Variants in FREM1 observed in about 807,000 individuals in gnomAD.
FREM1 encodes the protein FRAS1 related extracellular matrix 1, also known as FRAS1-related extracellular matrix protein 1.
A neutral mutation model predicts 210.1 loss-of-function variants in FREM1; 220 were observed. That is an observed-to-expected ratio of 1.05 (90% confidence interval 0.94 to 1.17). The LOEUF (loss-of-function observed/expected upper bound fraction) is 1.17. Ranked by LOEUF, FREM1 falls within the 50% of genes most tolerant of loss-of-function variation. FREM1 has a pLI of 0.00. For missense variants in FREM1, 3,454 were observed against 2,675.5 expected (o/e 1.29, Z -6.42); for synonymous variants, 1,189 against 980.2 (o/e 1.21, Z -3.98).
intron 1 of FREM1, among the ~76,000 whole-genome samples, chr9:14,908,097 G>A (rs1369938327): frequency 6.6e-6 from 1 of 152,126 alleles, no homozygotes; most frequent in African/African-American, 2.4e-5. Context: ...GGGCTCTGAT[G>A]GCCATGTCCA....
intron 29 of FREM1, among the ~76,000 whole-genome samples, chr9:14,751,318 T>A (rs1843339552): frequency 6.6e-6 from 1 of 152,196 alleles, no homozygotes; most frequent in African/African-American, 2.4e-5. Flanking sequence ...CCCCTCTATA[T>A]GATACAGTTA....
At chr9:14,743,799 C>A (rs1383994820) in intron 35 of FREM1, among the ~76,000 whole-genome samples, 3 of 152,080 alleles carry the variant, frequency 2.0e-5, no homozygotes, top group African/African-American at 7.2e-5. Context: ...CCATAGTATT[C>A]TCCCTTTTGT....
chr9:14,752,173 G>A (rs1483652471), intron 29 of FREM1, among the ~76,000 whole-genome samples: 1 of 151,746 alleles, frequency 6.6e-6, no homozygotes, highest in African/African-American at 2.4e-5. Flanking sequence ...ATCTTTTGGG[G>A]GAGACAGAAG....
chr9:14,831,364 C>T (rs1823526193), intron 10 of FREM1, among the ~76,000 whole-genome samples: 1 of 152,186 alleles, frequency 6.6e-6, no homozygotes, highest in Non-Finnish European at 1.5e-5. Context: ...ACTTCTCTGG[C>T]GAGCACATGG....
intron 36 of FREM1, among the ~76,000 whole-genome samples, chr9:14,738,377 A>G (rs1304920595): frequency 2.0e-5 from 3 of 152,098 alleles, no homozygotes; most frequent in African/African-American, 7.2e-5. Flanking sequence ...ACCTTCCCCA[A>G]CTGTTTTTCA....
chr9:14,759,307 C>T (rs1161120877), intron 28 of FREM1, among the ~76,000 whole-genome samples: 2 of 151,986 alleles, frequency 1.3e-5, no homozygotes, highest in African/African-American at 4.8e-5. Flanking sequence ...GTGAGGAGTT[C>T]GAGACCAGCC....
intron 29 of FREM1, 110 bp downstream of exon 29, chr9:14,756,264 T>C: frequency 1.3e-6 from 1 of 768,828 alleles, no homozygotes; most frequent in Non-Finnish European, 2.1e-6. Flanking sequence ...GAGGAGTTTC[T>C]AGTTGGCTAA....
At chr9:14,815,751 G>A (rs1225668608) in intron 15 of FREM1, among the ~76,000 whole-genome samples, 4 of 152,048 alleles carry the variant, frequency 2.6e-5, no homozygotes, top group Non-Finnish European at 4.4e-5. Flanking sequence ...AGGTTCAAGC[G>A]ATTCTCCTGC....
At chr9:14,765,538 C>T (rs759685185) in intron 27 of FREM1, among the ~76,000 whole-genome samples, 3 of 152,300 alleles carry the variant, frequency 2.0e-5, no homozygotes, top group Non-Finnish European at 4.4e-5. Context: ...CCTTCCCTTC[C>T]TCTGTGCTTT....
chr9:14,824,810 GA>G lies in FREM1; in HGVS notation c.2063del (p.Phe688SerfsTer22). On this transcript the variant is annotated frameshift_variant, in exon 11 of 37. Transcript: ENST00000380880. LOFTEE classifies it high-confidence loss of function. ...LVYTITTPPFFSFSHRHLDAG... is the reference protein window; with the variant it reads ...LVYTITTPPFXSFSHRHLDAG... Reference sequence around the variant, plus strand: ...TTTTCAGATACCTGTGGCTGAAGGAGAAAAATGGAGGAGTAGTTATTGTGTA... The same window carrying G: ...TTTTCAGATACCTGTGGCTGAAGGAGAAAATGGAGGAGTAGTTATTGTGTA... The G allele has an allele frequency of 6.2e-7, 1 of 1,611,162 alleles. No individual in the cohort carries two copies. Among genetic ancestry groups the G allele is most frequent in the African/African-American group, 1.3e-5 (1 of 74,996 alleles).
At position 14,837,188 on chromosome 9, in the gene FREM1, G is replaced by A. The variant is rs143842769; in HGVS notation, c.1881+4259C>T. Among the ~76,000 whole-genome samples the A allele has an allele frequency of 2.6e-3, 400 of 152,278 alleles. 3 individuals carry two copies. The highest frequency in any genetic ancestry group is 9.3e-3 in the African/African-American group (386 of 41,552). ...TGCATATTAAAAGGCTAGGGTGGGA[G>A]GACCAGCTTTTTCGCGGGCTACATG... On this transcript the variant is annotated intron_variant, in intron 10 of 36. Transcript: ENST00000380880.
At chr9:14,843,280 C>A (rs1387838247) in intron 8 of FREM1, among the ~76,000 whole-genome samples, 1 of 152,166 alleles carries the variant, frequency 6.6e-6, no homozygotes. Context: ...CCTCCACCTT[C>A]CCTACCCCAC....
chr9:14,789,124 G>A lies in FREM1; in HGVS notation c.3982-10C>T. 2 of 1,558,342 alleles carry A rather than the reference G, an allele frequency of 1.3e-6. No individual in the cohort carries two copies. Among genetic ancestry groups the A allele is most frequent in the Non-Finnish European group, 1.7e-6 (2 of 1,148,108 alleles). ...CCCAGTCCCTCCCTATCTGGAAGGA[G>A]CCAGAGTTAGTCAGCTGCTCATGGT... On this transcript the variant is annotated splice_polypyrimidine_tract_variant and intron_variant, in intron 22 of 36. Transcript: ENST00000380880.
intron 1 of FREM1, among the ~76,000 whole-genome samples, chr9:14,888,716 T>C (rs1836250364): frequency 6.6e-6 from 1 of 152,252 alleles, no homozygotes; most frequent in Non-Finnish European, 1.5e-5. Flanking sequence ...TATAACATTC[T>C]GCTTCCTCTT....
chr9:14,819,105 T>C (rs1223353993), intron 14 of FREM1, 129 bp downstream of exon 14: 2 of 558,330 alleles, frequency 3.6e-6, no homozygotes, highest in South Asian at 3.6e-5. Flanking sequence ...ACTGACCCGT[T>C]GAGTGTGTTA....
intron 1 of FREM1, among the ~76,000 whole-genome samples, chr9:14,905,000 C>T (rs1817443771): frequency 6.6e-6 from 1 of 152,128 alleles, no homozygotes; most frequent in African/African-American, 2.4e-5. Flanking sequence ...GCCTCAATCT[C>T]CCAAACCAGT....
chr9:14,861,930 T>C lies in FREM1; in HGVS notation c.329+1879A>G, dbSNP rs1830673116. ...ATCAAATACTAGGTCTTACCCATTCTAACTACTGTTTGTACTCATTAACCA... is the reference window on the plus strand; with the variant it reads ...ATCAAATACTAGGTCTTACCCATTCCAACTACTGTTTGTACTCATTAACCA... On this transcript the variant is annotated intron_variant, in intron 3 of 36. Transcript: ENST00000380880. Among the ~76,000 whole-genome samples, 3 of 152,250 alleles carry C rather than the reference T, an allele frequency of 2.0e-5. No homozygotes were observed. The South Asian group carries it at 6.2e-4, about 32-fold the overall frequency.
In FREM1 at chr9:14,792,807, G is replaced by T; in HGVS notation, c.3917C>A (p.Ser1306Ter). The change falls in exon 22 of 37, where the codon TCA becomes TAA. Residue 1306 changes from serine (S) to a stop codon, truncating the protein, a stop_gained. Transcript: ENST00000380880. LOFTEE classifies it high-confidence loss of function. ...TACATAGTAAATCTTCTCCCTGGGT[G>T]AGTCTTCATCTATGGCTGAAAGAAT... ...SAILSAIDED[S>*]PREKIYYVFE... 2 of 1,606,594 alleles carry T rather than the reference G, an allele frequency of 1.2e-6. No homozygotes were observed. Among genetic ancestry groups the T allele is most frequent in the Non-Finnish European group, 1.7e-6 (2 of 1,175,634 alleles).
chr9:14,772,255 T>C (rs1363777691), intron 25 of FREM1, among the ~76,000 whole-genome samples: 2 of 152,216 alleles, frequency 1.3e-5, no homozygotes, highest in Non-Finnish European at 2.9e-5. Context: ...TAGATATATA[T>C]TCACCAAAAT....
Sources: gnomAD v4.1 joint callset for allele counts (sites outside exome capture counted in the v4.1 genomes callset) on GRCh38, gnomAD v4.1.1 for gene constraint, MANE v1.5 for transcripts, NCBI Gene and HGNC (gene_info 2026-07-23, HGNC 2026-07-21) for gene names.